CRNN: variants seen among roughly 807,000 people sequenced by gnomAD.
CRNN encodes the protein 53 kDa putative calcium-binding protein.
A neutral mutation model predicts 44.7 loss-of-function variants in CRNN; 39 were observed. That is an observed-to-expected ratio of 0.87 (90% CI 0.68 to 1.14). CRNN has a LOEUF of 1.14. Ranked by LOEUF, CRNN falls within the 50% of genes most tolerant of loss-of-function variation. CRNN has a pLI of 0.00. For synonymous variants in CRNN, 240 were observed against 231.8 expected (o/e 1.04, Z -0.32); for missense variants, 606 against 605.1 (o/e 1.00, Z -0.02).
intron 2 of CRNN, 50 bp from the exon 3 acceptor site, chr1:152,410,993 G>C: frequency 6.5e-7 from 1 of 1,540,664 alleles, no homozygotes; most frequent in Non-Finnish European, 8.7e-7. Context: ...AGGAGGACAT[G>C]GGCAGGTCCC....
chr1:152,413,070 T>C (rs1292068141), intron 1 of CRNN, among the ~76,000 whole-genome samples: 2 of 152,114 alleles, frequency 1.3e-5, no homozygotes, highest in Non-Finnish European at 2.9e-5. Context: ...GGGAACCTTC[T>C]TTGGGTGGGA....
intron 2 of CRNN, 97 bp from the exon 3 acceptor site, chr1:152,411,040 C>T: frequency 6.8e-7 from 1 of 1,475,444 alleles, no homozygotes; most frequent in Non-Finnish European, 8.9e-7. Context: ...CCTCAGACCC[C>T]ACACTACACA....
chr1:152,413,232 A>C (rs777902438), intron 1 of CRNN, among the ~76,000 whole-genome samples: 54 of 152,324 alleles, frequency 3.5e-4, no homozygotes, highest in Non-Finnish European at 6.2e-4. Flanking sequence ...AATCAAAGGG[A>C]AAGCTTTTCT....
At chr1:152,412,271 G>A (rs1010546344) in intron 1 of CRNN, 25 bp from the exon 2 acceptor site, 1 of 1,589,314 alleles carries the variant, frequency 6.3e-7, no homozygotes, top group African/African-American at 1.3e-5. Context: ...AAGTTCCCTT[G>A]GAGGCTCCAT....
At position 152,410,179 on chromosome 1, in the gene CRNN, G is replaced by GGTCTGGGT; in HGVS notation, c.895_902dup (p.Val302ProfsTer44). On this transcript the variant is annotated frameshift_variant, in exon 3 of 3. Coordinates refer to ENST00000271835, the MANE Select transcript of CRNN (RefSeq NM_016190.3). LOFTEE classifies it high-confidence loss of function. ...TCTGGTGGCTGCTGTCCTGCTCCAC[G>GGTCTGGGT]GTCTGGGTGGGTGTCTGGGTGTGTG... 6.2e-7 allele frequency: 1 copy of GGTCTGGGT among 1,609,864 alleles called. No homozygotes were observed.
chr1:152,410,540 G>T lies in CRNN; in HGVS notation c.542C>A (p.Pro181Gln), dbSNP rs143605221. 73 of 1,613,950 alleles carry T rather than the reference G, an allele frequency of 4.5e-5. No homozygotes were observed. Among genetic ancestry groups the T allele is most frequent in the Non-Finnish European group, 5.9e-5 (70 of 1,180,032 alleles). The change falls in exon 3 of 3, where the codon CCG becomes CAG. Residue 181 changes from proline (P) to glutamine (Q), a missense_variant. By Grantham distance (76) the Pro-to-Gln change is moderately conservative (BLOSUM62 -1). Transcript: ENST00000271835. ...AESQSQERIS[P>Q]QIQLSGQTEQ... The stretch of plus-strand genomic sequence containing the variant: ...TGTCTGCCCAGAGAGTTGTATCTGC[G>T]GGCTTATTCTTTCCTGGCTCTGGGA...
Position 152,410,302 on chromosome 1 carries a change from G to A in CRNN, c.780C>T (p.Ala260=). ...CAGTCCCTCTGTTCTGGTCATTGGTGGCCTCCTGTGTCTGCTTGCTGGTTC... is the reference window on the plus strand; with the variant it reads ...CAGTCCCTCTGTTCTGGTCATTGGTAGCCTCCTGTGTCTGCTTGCTGGTTC... The part of the protein sequence containing the change: ...TGRTSKQTQE[A]TNDQNRGTET... The change falls in exon 3 of 3, where the codon GCC becomes GCT. Residue 260 remains alanine, a synonymous_variant. Transcript: ENST00000271835. 1 of 1,613,814 alleles carries A rather than the reference G, an allele frequency of 6.2e-7. No individual in the cohort carries two copies. Among genetic ancestry groups the A allele is most frequent in the Non-Finnish European group, 8.5e-7 (1 of 1,179,950 alleles).
chr1:152,411,959 C>T, intron 2 of CRNN, 137 bp downstream of exon 2: 1 of 904,792 alleles, frequency 1.1e-6, no homozygotes, highest in South Asian at 2.4e-5. Context: ...TTTTTTCTGC[C>T]TGCACAGCTG....
rs1232368843 is a variant in CRNN at position 152,410,024 on chromosome 1, G to C, written c.1058C>G (p.Ser353Ter). ...GTCCTGCTCCACAGTCTCGGTGTGTGACCCTGCCTGTATCTGAGTGTGTCC... is the reference window on the plus strand; with the variant it reads ...GTCCTGCTCCACAGTCTCGGTGTGTCACCCTGCCTGTATCTGAGTGTGTCC... ...TGGHTQIQAG[S>*]HTETVEQDRS... The change falls in exon 3 of 3, where the codon TCA becomes TGA. Residue 353 changes from serine to a stop codon, truncating the protein, a stop_gained. Coordinates refer to ENST00000271835, the MANE Select transcript of CRNN (RefSeq NM_016190.3). LOFTEE classifies it high-confidence loss of function. 2 of 1,613,918 alleles carry C rather than the reference G, an allele frequency of 1.2e-6. No individual in the cohort carries two copies. The highest frequency in any genetic ancestry group is 2.7e-5 in the African/African-American group (2 of 74,962).
At chr1:152,414,033 GGGA>G (rs923119146) in intron 1 of CRNN, among the ~76,000 whole-genome samples, 178 bp downstream of exon 1, 13 of 152,356 alleles carry the variant, frequency 8.5e-5, no homozygotes, top group Non-Finnish European at 1.6e-4. Context: ...GCCAGCCTCA[GGGA>G]GGAGGAGAAA....
Position 152,410,568 on chromosome 1 carries a change from C to A in CRNN, c.514G>T (p.Glu172Ter). 6.2e-7 allele frequency: 1 copy of A among 1,614,154 alleles called. No individual in the cohort carries two copies. The highest frequency in any genetic ancestry group is 1.1e-5 in the South Asian group (1 of 91,074). Residue 172 changes from glutamate (E) to a stop codon, truncating the protein, a stop_gained, in exon 3 of 3, where the codon GAG becomes TAG. Coordinates refer to ENST00000271835, the MANE Select transcript of CRNN (RefSeq NM_016190.3). LOFTEE classifies it high-confidence loss of function. ...AWVSSYDRQA[E>*]SQSQERISPQ... ...CTTATTCTTTCCTGGCTCTGGGACT[C>A]AGCTTGCCTGTCATAGCTGCTGACC...
chr1:152,411,578 G>C (rs1211213302), intron 2 of CRNN, among the ~76,000 whole-genome samples: 1 of 152,176 alleles, frequency 6.6e-6, no homozygotes, highest in Non-Finnish European at 1.5e-5. Flanking sequence ...GTGGGGTGGG[G>C]TGAGGCTCCA....
rs767589261 is a variant in CRNN, at chr1:152,410,863, T to C, written c.219A>G (p.Glu73=). ...CAACTTTAAACACTAAGACCAGGAATTCCTTGAATTCCACAGTCCCTGTGT... is the reference window on the plus strand; with the variant it reads ...CAACTTTAAACACTAAGACCAGGAACTCCTTGAATTCCACAGTCCCTGTGT... ...EDHTGTVEFK[E]FLVLVFKVAQ... is the part of the protein sequence containing the mutation. Residue 73 remains glutamate, a synonymous_variant, in exon 3 of 3, where the codon GAA becomes GAG. Transcript: ENST00000271835. The C allele has an allele frequency of 1.9e-6, 3 of 1,614,212 alleles. No homozygotes were observed. The highest frequency in any genetic ancestry group is 1.7e-6 in the Non-Finnish European group (2 of 1,180,028).
Position 152,413,095 on chromosome 1 carries a change from G to A in CRNN, c.-13-849C>T, listed in dbSNP as rs528631572. On this transcript the variant is annotated intron_variant, in intron 1 of 2. Coordinates refer to ENST00000271835, the MANE Select transcript of CRNN (RefSeq NM_016190.3). ...TTTGGGTGGGAGGCCTTCCAGTTCT[G>A]AGGGTCCAAGTTTCTCTGCATGTCG... 8.5e-5 allele frequency among the ~76,000 whole-genome samples: 13 copies of A among 152,254 alleles called. No homozygotes were observed. The South Asian group carries it at 2.7e-3, about 32-fold the overall frequency.
At position 152,409,714 on chromosome 1, in the gene CRNN, G is replaced by A. The variant is rs1422784447; in HGVS notation, c.1368C>T (p.Asp456=). The A allele has an allele frequency of 6.2e-7, 1 of 1,614,044 alleles. No homozygotes were observed. Among genetic ancestry groups the A allele is most frequent in the African/African-American group, 1.3e-5 (1 of 74,914 alleles). ...HSRETVILRL[D]QGNLHTSVSS... The stretch of plus-strand genomic sequence containing the variant: ...AAACACTGGTATGCAAGTTGCCCTG[G>A]TCCAGCCTGAGGATCACTGTCTCCC... The change falls in exon 3 of 3, where the codon GAC becomes GAT. Residue 456 remains aspartate, a synonymous_variant. Coordinates refer to ENST00000271835, the MANE Select transcript of CRNN (RefSeq NM_016190.3).
rs943843606 is a variant in CRNN, at chr1:152,410,658, G to A, written c.424C>T (p.Gln142Ter). Residue 142 changes from glutamine to a stop codon, truncating the protein, a stop_gained, in exon 3 of 3, where the codon CAG becomes TAG. Coordinates refer to ENST00000271835, the MANE Select transcript of CRNN (RefSeq NM_016190.3). LOFTEE classifies it high-confidence loss of function. ...GGCCTGTTCTGCCCTCTGGAACCCTGCTGGCTCTGTCTGTGGCTGCTCCCC... is the reference window on the plus strand; with the variant it reads ...GGCCTGTTCTGCCCTCTGGAACCCTACTGGCTCTGTCTGTGGCTGCTCCCC... ...YEGSSHRQSQ[Q>*]GSRGQNRPGV... 1.9e-6 allele frequency: 3 copies of A among 1,613,926 alleles called. No homozygotes were observed. The highest frequency in any genetic ancestry group is 2.7e-5 in the African/African-American group (2 of 74,904).
In CRNN at chr1:152,412,243, C is replaced by T. The variant is rs1290308979; in HGVS notation, c.-10G>A. ...GCAGTAACTGAGGCATCTTTGAAGT[C>T]AACCTGGAAAAGATGAAAAGTTCCC... On this transcript the variant is annotated 5_prime_UTR_variant, in exon 2 of 3. Coordinates refer to ENST00000271835, the MANE Select transcript of CRNN (RefSeq NM_016190.3). 1 of 1,601,616 alleles carries T rather than the reference C, an allele frequency of 6.2e-7. No individual in the cohort carries two copies. The highest frequency in any genetic ancestry group is 1.1e-5 in the South Asian group (1 of 90,422).
In CRNN at chr1:152,410,758, C is replaced by G; in HGVS notation, c.324G>C (p.Gly108=). 6.2e-7 allele frequency: 1 copy of G among 1,614,198 alleles called. No homozygotes were observed. The highest frequency in any genetic ancestry group is 8.5e-7 in the Non-Finnish European group (1 of 1,180,014). Reference sequence around the variant, plus strand: ...GTCCTTCGCCCAGCTCCTGCGAGGCCCCAGAGTGGAGGCTTCCAGACTCTT... The same window carrying G: ...GTCCTTCGCCCAGCTCCTGCGAGGCGCCAGAGTGGAGGCTTCCAGACTCTT... The part of the protein sequence containing the change: ...GSQESGSLHS[G]ASQELGEGQR... The change falls in exon 3 of 3, where the codon GGG becomes GGC. Residue 108 remains glycine, a synonymous_variant. Transcript: ENST00000271835.
chr1:152,409,361 C>A lies in CRNN; in HGVS notation c.*233G>T. On this transcript the variant is annotated 3_prime_UTR_variant, in exon 3 of 3. Transcript: ENST00000271835. ...AGGACAATTCAGTACAAAGGGGTGA[C>A]TTGCTCTGAGTCTTCCTGCTCCTGA... 1.5e-6 allele frequency: 1 copy of A among 678,020 alleles called. No individual in the cohort carries two copies. The allele number at this position is 678,020 out of a possible 1,614,324, so 42.0% of individuals were successfully genotyped here.
Sources: allele counts gnomAD v4.1 joint callset (sites outside exome capture counted in the v4.1 genomes callset), GRCh38; gene constraint gnomAD v4.1.1; transcripts MANE v1.5; gene names NCBI Gene and HGNC (gene_info 2026-07-23, HGNC 2026-07-21).